Variants in PELP1 observed in about 807,000 individuals in gnomAD.
PELP1 encodes the protein proline, glutamate and leucine rich protein 1.
Under a neutral mutation model 95.5 loss-of-function variants are expected in PELP1, and 32 were observed. That is an observed-to-expected ratio of 0.34 (90% CI 0.25 to 0.45). The LOEUF is 0.45. Ranked by LOEUF, PELP1 falls within the 20% of genes least tolerant of loss-of-function variation. The pLI is 1.00. For missense variants in PELP1, 1,358 were observed against 1,444.8 expected (o/e 0.94, Z 0.97); for synonymous variants, 668 against 600.1 (o/e 1.11, Z -1.65).
chr17:4,674,058 G>A (rs1912348652), intron 13 of PELP1, among the ~76,000 whole-genome samples: 1 of 152,172 alleles, frequency 6.6e-6, no homozygotes, highest in Non-Finnish European at 1.5e-5. Context: ...GTGAGAGCAG[G>A]GAGCTCCCCC....
chr17:4,685,947 A>C (rs1912895668), intron 3 of PELP1, among the ~76,000 whole-genome samples: 1 of 152,062 alleles, frequency 6.6e-6, no homozygotes. Context: ...AAATACAAAA[A>C]TTAGCCGGGT....
intron 1 of PELP1, among the ~76,000 whole-genome samples, chr17:4,699,615 C>G (rs1456814404): frequency 6.6e-6 from 1 of 152,138 alleles, no homozygotes; most frequent in African/African-American, 2.4e-5. Context: ...GAGACAAAGT[C>G]TCCCTCTGTT....
intron 2 of PELP1, 177 bp downstream of exon 2, chr17:4,691,201 C>G (rs1368637977): frequency 7.8e-6 from 5 of 644,440 alleles, no homozygotes; most frequent in Non-Finnish European, 1.4e-5. Context: ...CATCTGGGAG[C>G]TGGAAAAGGT....
intron 3 of PELP1, among the ~76,000 whole-genome samples, chr17:4,686,791 T>C (rs1374138022): frequency 1.3e-5 from 2 of 152,160 alleles, no homozygotes; most frequent in Admixed American, 6.5e-5. Context: ...CTGCTGGGAT[T>C]ACAGGCGTGA....
chr17:4,704,010 G>A lies in PELP1; in HGVS notation c.102C>T (p.Arg34=). 1 of 1,613,178 alleles carries A rather than the reference G, an allele frequency of 6.2e-7. No individual in the cohort carries two copies. The highest frequency in any genetic ancestry group is 1.1e-5 in the South Asian group (1 of 91,088). The change falls in exon 1 of 17, where the codon CGC becomes CGT. Residue 34 remains arginine (R), a synonymous_variant. Coordinates refer to ENST00000572293, the MANE Select transcript of PELP1 (RefSeq NM_014389.3). The part of the protein sequence containing the change: ...LSAVSSGPRL[R]LLLLESVSGL... ...CAGAAACACTCTCCAGCAGCAGCAG[G>A]CGGAGCCGCGGGCCCGAGCTCACTG...
chr17:4,673,348 G>A lies in PELP1; in HGVS notation c.1747C>T (p.Leu583=). The A allele has an allele frequency of 6.3e-7, 1 of 1,595,480 alleles. No individual in the cohort carries two copies. The highest frequency in any genetic ancestry group is 8.5e-7 in the Non-Finnish European group (1 of 1,171,318). ...GACGGGGCCAGCAGCAGCGCCAGCA[G>A]CAGGCAGTAGAGTTCACGGCGGCAG... ...SRCRRELYCL[L]LALLLAPSPR... is the part of the protein sequence containing the mutation. Residue 583 remains leucine, a synonymous_variant, in exon 15 of 17, where the codon CTG becomes TTG. Coordinates refer to ENST00000572293, the MANE Select transcript of PELP1 (RefSeq NM_014389.3). The surrounding 1 kb of genome is among the most constrained non-coding windows in gnomAD (Gnocchi z 5.7).
rs1597447500 is a variant in PELP1, at chr17:4,675,886, TAA to T, written c.981-4_981-3del. The T allele has an allele frequency of 1.3e-6, 2 of 1,589,930 alleles. No homozygotes were observed. The highest frequency in any genetic ancestry group is 8.6e-7 in the Non-Finnish European group (1 of 1,168,080). Reference sequence around the variant, plus strand: ...GACACGGGAGCTCCAAACTCAGAGCTAAAGAGAATCAGAGCAGGGAGACCTTC... The same window carrying T: ...GACACGGGAGCTCCAAACTCAGAGCTAGAGAATCAGAGCAGGGAGACCTTC... On this transcript the variant is annotated splice_region_variant and splice_polypyrimidine_tract_variant and intron_variant, in intron 8 of 16. Coordinates refer to ENST00000572293, the MANE Select transcript of PELP1 (RefSeq NM_014389.3). This position sits in a 1 kb window ranked among gnomAD's most constrained non-coding sequence, Gnocchi z 4.3.
Position 4,674,900 on chromosome 17 carries a change from G to T in PELP1, c.1331C>A (p.Ala444Asp). Residue 444 changes from alanine to aspartate, a missense_variant, in exon 12 of 17, where the codon GCC becomes GAC. Ala to Asp is a moderately radical substitution (Grantham distance 126). Coordinates refer to ENST00000572293, the MANE Select transcript of PELP1 (RefSeq NM_014389.3). ...ILELWVQVCGASAGMLQGGAS... is the reference protein window; with the variant it reads ...ILELWVQVCGDSAGMLQGGAS... ...TCCTCCCTGAAGCATTCCCGCCGAG[G>T]CCCCACAAACCTGCACCCACAGCTC... 6.2e-7 allele frequency: 1 copy of T among 1,613,742 alleles called. No homozygotes were observed. The highest frequency in any genetic ancestry group is 2.2e-5 in the East Asian group (1 of 44,868).
intron 1 of PELP1, among the ~76,000 whole-genome samples, chr17:4,695,917 T>C (rs538747214): frequency 8.0e-4 from 122 of 151,584 alleles, no homozygotes; most frequent in African/African-American, 2.9e-3. Flanking sequence ...TCCGCCCACC[T>C]TGGCCTCCGA....
rs920343126 is a variant in PELP1 at position 4,672,460 on chromosome 17, G to A, written c.2531C>T (p.Pro844Leu). ...AAPGPLPPPP[P>L]PPPPVPGPVT... ...AGGACCAGGAACAGGCGGCGGCGGA[G>A]GTGGGGGTGGCGGGAGAGGCCCTGG... is the stretch of plus-strand genomic sequence containing the variant. The change falls in exon 16 of 17, where the codon CCT (proline) becomes CTT (leucine). Residue 844 changes from proline (P) to leucine (L), a missense_variant. Physicochemically the swap from Pro to Leu is moderately conservative, Grantham distance 98 (BLOSUM62 -3). Around this residue, in one of 7 missense-constraint regions of PELP1, gnomAD observed 340 missense variants for 322.9 expected, o/e 1.05. Coordinates refer to ENST00000572293, the MANE Select transcript of PELP1 (RefSeq NM_014389.3). The A allele has an allele frequency of 8.9e-6, 14 of 1,568,376 alleles. No homozygotes were observed. Among genetic ancestry groups the A allele is most frequent in the South Asian group, 2.4e-5 (2 of 83,658 alleles).
rs1912481700 is a variant in PELP1 at position 4,676,444 on chromosome 17, G to A, written c.766C>T (p.His256Tyr). 5 of 1,613,590 alleles carry A rather than the reference G, an allele frequency of 3.1e-6. No individual in the cohort carries two copies. Among genetic ancestry groups the A allele is most frequent in the Admixed American group, 1.7e-5 (1 of 59,968 alleles). Residue 256 changes from histidine (H) to tyrosine (Y), a missense_variant, in exon 7 of 17, where the codon CAC becomes TAC. Physicochemically the swap from His to Tyr is moderately conservative, Grantham distance 83. Transcript: ENST00000572293. Reference sequence around the variant, plus strand: ...AGCTCCTGCTCCCAGCTCTCGGTGTGCTTCAGGCCTTGGGAAAAGCCAGCC... The same window carrying A: ...AGCTCCTGCTCCCAGCTCTCGGTGTACTTCAGGCCTTGGGAAAAGCCAGCC... ...LGAGFSQGLKHTESWEQELHS... is the reference protein window; with the variant it reads ...LGAGFSQGLKYTESWEQELHS...
In PELP1 at chr17:4,682,494, A is replaced by T. The variant is rs1567663880; in HGVS notation, c.642+8T>A. The T allele has an allele frequency of 3.1e-6, 5 of 1,590,768 alleles. No homozygotes were observed. Among genetic ancestry groups the T allele is most frequent in the Non-Finnish European group, 4.3e-6 (5 of 1,158,632 alleles). On this transcript the variant is annotated splice_region_variant and intron_variant, in intron 5 of 16. Transcript: ENST00000572293. ...CACTGGTGGGGAGAAGAGTGCATAA[A>T]TACTTACTTTGAGAGAACCACAAGC...
intron 3 of PELP1, among the ~76,000 whole-genome samples, chr17:4,689,095 A>C (rs1422296198): frequency 2.0e-5 from 3 of 152,238 alleles, no homozygotes; most frequent in Non-Finnish European, 2.9e-5. Flanking sequence ...CAAGTGGGGA[A>C]AGGACACCCT....
In PELP1 at chr17:4,673,451, C is replaced by A; in HGVS notation, c.1644G>T (p.Leu548=). The change falls in exon 15 of 17, where the codon CTG becomes CTT. Residue 548 remains leucine (L), a synonymous_variant. Coordinates refer to ENST00000572293, the MANE Select transcript of PELP1 (RefSeq NM_014389.3). This position sits in a 1 kb window ranked among gnomAD's most constrained non-coding sequence, Gnocchi z 5.7. ...PLIKEETHRR[L]HDLVLPLVMG... is the part of the protein sequence containing the mutation. The stretch of plus-strand genomic sequence containing the variant: ...TGACCAGGGGGAGGACCAGGTCATG[C>A]AGTCTCTGAAAAGGACAGAGCACAC... 1 of 1,588,554 alleles carries A rather than the reference C, an allele frequency of 6.3e-7. No homozygotes were observed. Among genetic ancestry groups the A allele is most frequent in the Non-Finnish European group, 8.6e-7 (1 of 1,167,320 alleles).
Position 4,673,530 on chromosome 17 carries a change from G to C in PELP1, c.1639-74C>G. 1.3e-6 allele frequency: 2 copies of C among 1,565,246 alleles called. No homozygotes were observed. The highest frequency in any genetic ancestry group is 1.8e-6 in the Non-Finnish European group (2 of 1,137,312). On this transcript the variant is annotated intron_variant, in intron 14 of 16. Coordinates refer to ENST00000572293, the MANE Select transcript of PELP1 (RefSeq NM_014389.3). The surrounding 1 kb of genome is among the most constrained non-coding windows in gnomAD (Gnocchi z 5.7). ...CTTCTCCAGAGCCTACTCCCAGGTC[G>C]GAATGGACCCACCTCTGGGCCACAC... is the stretch of plus-strand genomic sequence containing the variant.
chr17:4,686,533 T>C (rs1004074830), intron 3 of PELP1, among the ~76,000 whole-genome samples: 4 of 152,140 alleles, frequency 2.6e-5, no homozygotes, highest in Non-Finnish European at 4.4e-5. Flanking sequence ...TTCTTTCTTA[T>C]TTGAGATGGA....
At chr17:4,695,957 A>G (rs11078534) in intron 1 of PELP1, among the ~76,000 whole-genome samples, 146,521 of 149,812 alleles carry the variant, frequency 0.98, 71,735 homozygotes, top group Middle Eastern at 1. Flanking sequence ...GTGAACCACC[A>G]TGAACCCCCG....
At chr17:4,676,305 C>T in intron 7 of PELP1, 52 bp downstream of exon 7, 1 of 1,594,142 alleles carries the variant, frequency 6.3e-7, no homozygotes, top group African/African-American at 1.3e-5. Flanking sequence ...CCTGTTCCTT[C>T]CTGCCACGCT....
intron 3 of PELP1, among the ~76,000 whole-genome samples, chr17:4,684,063 C>T (rs1225137938): frequency 2.0e-5 from 3 of 151,976 alleles, no homozygotes; most frequent in Admixed American, 1.3e-4. Flanking sequence ...TCAAACCCAC[C>T]CTGGAACCCA....
Sources: gnomAD v4.1 joint callset for allele counts (sites outside exome capture counted in the v4.1 genomes callset) on GRCh38, gnomAD v4.1.1 for gene constraint, gnomAD v4.1.1 regional missense constraint, Gnocchi (gnomAD v3.1) non-coding constraint, MANE v1.5 for transcripts, NCBI Gene and HGNC (gene_info 2026-07-23, HGNC 2026-07-21) for gene names.